CEP63: variants seen among roughly 807,000 people sequenced by gnomAD.
CEP63 encodes the protein centrosomal protein 63.
A neutral mutation model predicts 89.1 loss-of-function variants in CEP63; 84 were observed. The observed-to-expected ratio is 0.94, with a 90% CI of 0.79 to 1.13. The LOEUF (loss-of-function observed/expected upper bound fraction) is 1.13. Among genes scored for constraint, CEP63 ranks in the 50% most tolerant of loss-of-function variants. The pLI, the probability that CEP63 is intolerant of heterozygous loss-of-function variation, is 0.00. For missense variants in CEP63, 838 were observed against 813.3 expected, an observed-to-expected ratio of 1.03 and a Z score of -0.37; for synonymous variants, 267 against 272.5, an observed-to-expected ratio of 0.98 and a Z score of 0.20.
At chr3:134,738,352 C>G in the CEP63 span, among the ~76,000 whole-genome samples, 6 of 151,760 alleles carry the variant, frequency 4.0e-5, no homozygotes, top group Admixed American at 3.9e-4. Flanking sequence ...ATTTTGCAAT[C>G]GTGAATTGTG....
the CEP63 span, among the ~76,000 whole-genome samples, chr3:134,732,639 A>G: frequency 6.6e-6 from 1 of 152,174 alleles, no homozygotes; most frequent in Admixed American, 6.5e-5. Context: ...GTTTTGAAAA[A>G]AAGTGATCAA....
At chr3:134,744,176 T>C in the CEP63 span, among the ~76,000 whole-genome samples, 1 of 151,828 alleles carries the variant, frequency 6.6e-6, no homozygotes, top group African/African-American at 2.4e-5. Context: ...CGGGAGGAGG[T>C]GTATTGTCCA....
chr3:134,701,428 A>ATG, the CEP63 span, among the ~76,000 whole-genome samples: 12 of 51,874 alleles, frequency 2.3e-4, no homozygotes, highest in African/African-American at 2.4e-4. Flanking sequence ...ATATACGTAT[A>ATG]TATGTGTATA....
chr3:134,487,118 G>A (rs905276702), intron 1 of CEP63, among the ~76,000 whole-genome samples: 2 of 152,174 alleles, frequency 1.3e-5, no homozygotes, highest in Non-Finnish European at 2.9e-5. Context: ...GTATTGTAGG[G>A]TAGATGCCCT....
At chr3:134,546,983 T>C (rs1057177132) in intron 8 of CEP63, among the ~76,000 whole-genome samples, 1 of 152,212 alleles carries the variant, frequency 6.6e-6, no homozygotes, top group Non-Finnish European at 1.5e-5. Flanking sequence ...GCTAGCCCTC[T>C]TGCTTGATTT....
At position 134,557,372 on chromosome 3, in the gene CEP63, A is replaced by ATTTTTTTTT. The variant is rs1488699483; in HGVS notation, c.1468-767_1468-766insTTTTTTTTT. 5.8e-4 allele frequency among the ~76,000 whole-genome samples: 29 copies of ATTTTTTTTT among 50,400 alleles called. 1 individual carries two copies. Among genetic ancestry groups the ATTTTTTTTT allele is most frequent in the East Asian group, 4.8e-3 (5 of 1,036 alleles). The allele number at this position is 50,400 out of a possible 152,430, so 33.1% of individuals were successfully genotyped here. A position where few individuals can be genotyped will look rare whatever the true frequency, so the allele number is the denominator to read the frequency against. On this transcript the variant is annotated intron_variant, in intron 12 of 14. Coordinates refer to ENST00000675561, the MANE Select transcript of CEP63 (RefSeq NM_001353108.3). ...CACTCTTGACCAGCTTACTTTCATA[A>ATTTTTTTTT]TTTGTTTTTTTTTTTTTTTTTTTTT...
At chr3:134,538,573 A>ATATATATATGT (rs1951352612) in intron 6 of CEP63, among the ~76,000 whole-genome samples, 1 of 141,820 alleles carries the variant, frequency 7.1e-6, no homozygotes, top group Admixed American at 7.2e-5. Flanking sequence ...ATATTTTTTT[A>ATATATATATGT]ACAACAAAAA....
At chr3:134,510,424 T>C (rs143262769) in intron 3 of CEP63, 65 of 251,490 alleles carry the variant, frequency 2.6e-4, no homozygotes, top group African/African-American at 1.3e-3. Context: ...TAAGCAGGTA[T>C]GGAGAGAACC....
intron 9 of CEP63, 132 bp downstream of exon 9, chr3:134,547,604 G>GGTGT: frequency 5.6e-6 from 1 of 179,016 alleles, no homozygotes. Context: ...AATGGCCTAA[G>GGTGT]TTCTTATTTC....
chr3:134,772,283 G>T, the CEP63 span, among the ~76,000 whole-genome samples: 44 of 149,216 alleles, frequency 2.9e-4, no homozygotes, highest in Non-Finnish European at 5.4e-4. Flanking sequence ...GTGCAGCTGT[G>T]CAGGGCTGGA....
chr3:134,610,250 C>A, the CEP63 span: 1 of 1,613,974 alleles, frequency 6.2e-7, no homozygotes, highest in Non-Finnish European at 8.5e-7. Flanking sequence ...CAGGTGCTGT[C>A]CACCAGGTGC....
intron 5 of CEP63, chr3:134,536,398 G>A (rs1950781704): frequency 6.6e-6 from 1 of 152,664 alleles, no homozygotes; most frequent in Non-Finnish European, 1.5e-5. Context: ...GACTTCTGGA[G>A]TTGAGGGTCC....
downstream of CEP63, among the ~76,000 whole-genome samples, chr3:134,578,256 A>G (rs1261248721): frequency 3.4e-5 from 5 of 146,532 alleles, 1 homozygote; most frequent in South Asian, 8.6e-4. Context: ...AAGCGTTCCT[A>G]TTTCTCCACA....
chr3:134,678,819 C>A, the CEP63 span, among the ~76,000 whole-genome samples: 55 of 152,314 alleles, frequency 3.6e-4, no homozygotes, highest in South Asian at 2.5e-3. Context: ...GCTCATGCAC[C>A]CCCTCCACTT....
At chr3:134,573,288 C>T (rs769290988) in intron 11 of CEP63, among the ~76,000 whole-genome samples, 63 of 152,024 alleles carry the variant, frequency 4.1e-4, no homozygotes, top group Non-Finnish European at 7.8e-4. Flanking sequence ...GTTTTTGTTG[C>T]CGTTGCTTTT....
the CEP63 span, among the ~76,000 whole-genome samples, chr3:134,745,684 G>A: frequency 6.6e-6 from 1 of 150,956 alleles, no homozygotes; most frequent in African/African-American, 2.4e-5. Flanking sequence ...CTTTCCCTCA[G>A]CCCCCCACCC....
chr3:134,630,625 C>G, the CEP63 span, among the ~76,000 whole-genome samples: 1 of 152,226 alleles, frequency 6.6e-6, no homozygotes, highest in Non-Finnish European at 1.5e-5. Flanking sequence ...AAACATCATA[C>G]CACAGTCTTC....
chr3:134,759,382 C>T, the CEP63 span, among the ~76,000 whole-genome samples: 4 of 152,212 alleles, frequency 2.6e-5, no homozygotes, highest in Admixed American at 6.5e-5. Context: ...TTGTCTCTGG[C>T]GTCATCACCC....
At chr3:134,489,299 G>A (rs1936840945) in intron 1 of CEP63, among the ~76,000 whole-genome samples, 1 of 151,992 alleles carries the variant, frequency 6.6e-6, no homozygotes, top group Non-Finnish European at 1.5e-5. Flanking sequence ...AAGTTGTATT[G>A]AACAGCACTG....
Sources: gnomAD v4.1 joint callset for allele counts (sites outside exome capture counted in the v4.1 genomes callset) on GRCh38, gnomAD v4.1.1 for gene constraint, MANE v1.5 for transcripts, NCBI Gene and HGNC (gene_info 2026-07-23, HGNC 2026-07-21) for gene names.